Variants in RNGTT observed in about 807,000 individuals in gnomAD.
RNGTT encodes RNA guanylyltransferase and 5'-phosphatase.
Under a neutral mutation model 79.3 loss-of-function variants are expected in RNGTT, and 33 were observed. The observed-to-expected ratio is 0.42, with a 90% CI of 0.32 to 0.56. RNGTT has a LOEUF of 0.56. RNGTT is among the 20% of genes least tolerant of loss of function. The pLI is 0.17. For missense variants in RNGTT, 497 were observed against 739.1 expected (o/e 0.67, Z 3.80); for synonymous variants, 222 against 235.9 (o/e 0.94, Z 0.54).
intron 12 of RNGTT, among the ~76,000 whole-genome samples, chr6:88,798,464 C>CAAA: frequency 7.9e-6 from 1 of 126,422 alleles, no homozygotes; most frequent in East Asian, 2.3e-4. Context: ...GACCCTGTCT[C>CAAA]AAAAAAAAAA....
At chr6:88,784,665 A>C (rs1040722266) in intron 12 of RNGTT, among the ~76,000 whole-genome samples, 2 of 152,176 alleles carry the variant, frequency 1.3e-5, no homozygotes, top group African/African-American at 4.8e-5. Flanking sequence ...TTCTGACCCT[A>C]CATAGACAAA....
intron 14 of RNGTT, among the ~76,000 whole-genome samples, chr6:88,668,938 T>G (rs1045549065): frequency 9.9e-5 from 15 of 152,174 alleles, no homozygotes; most frequent in African/African-American, 3.1e-4. Context: ...TATTATTGAA[T>G]GTAGTTATTG....
At chr6:88,695,994 G>T (rs576979191) in intron 13 of RNGTT, among the ~76,000 whole-genome samples, 4 of 152,098 alleles carry the variant, frequency 2.6e-5, no homozygotes, top group African/African-American at 4.8e-5. Context: ...GTGACCAAAG[G>T]TTAGGGGATG....
chr6:88,788,057 A>G (rs559058790), intron 12 of RNGTT, among the ~76,000 whole-genome samples: 22 of 152,354 alleles, frequency 1.4e-4, no homozygotes, highest in Admixed American at 3.3e-4. Context: ...CAGAAAAATC[A>G]TAAGTCAAAC....
intron 13 of RNGTT, among the ~76,000 whole-genome samples, chr6:88,722,705 C>T (rs1776746412): frequency 6.6e-6 from 1 of 152,106 alleles, no homozygotes; most frequent in South Asian, 2.1e-4. Context: ...CAAGAAAAAT[C>T]CCCTCACATA....
At chr6:88,921,270 G>T (rs191270823) in intron 4 of RNGTT, among the ~76,000 whole-genome samples, 6 of 151,188 alleles carry the variant, frequency 4.0e-5, no homozygotes, top group Admixed American at 1.3e-4. Flanking sequence ...AAGCTGTCTT[G>T]GTTTTAAAAA....
intron 13 of RNGTT, among the ~76,000 whole-genome samples, chr6:88,750,803 G>T (rs1777815804): frequency 6.6e-6 from 1 of 151,906 alleles, no homozygotes; most frequent in Non-Finnish European, 1.5e-5. Context: ...GAACCTTCTT[G>T]GTCCTATTAC....
chr6:88,916,194 T>C (rs1042810980), intron 4 of RNGTT, among the ~76,000 whole-genome samples: 3 of 152,176 alleles, frequency 2.0e-5, no homozygotes, highest in Admixed American at 6.5e-5. Context: ...CCTCAGATTC[T>C]TCCAGGCAGG....
chr6:88,731,654 C>T (rs1311477521), intron 13 of RNGTT, among the ~76,000 whole-genome samples: 2 of 152,064 alleles, frequency 1.3e-5, no homozygotes, highest in African/African-American at 2.4e-5. Context: ...AAGATACCAT[C>T]GACAGGGCAA....
chr6:88,868,015 T>A (rs1782230519), intron 8 of RNGTT, among the ~76,000 whole-genome samples: 1 of 152,194 alleles, frequency 6.6e-6, no homozygotes, highest in African/African-American at 2.4e-5. Context: ...AACCTTTTTC[T>A]TCCTCCAGTC....
intron 13 of RNGTT, among the ~76,000 whole-genome samples, chr6:88,767,444 T>C (rs931719833): frequency 1.3e-5 from 2 of 152,120 alleles, no homozygotes; most frequent in Admixed American, 6.5e-5. Context: ...ACTAGAGAAA[T>C]GAGTATTCTA....
intron 11 of RNGTT, among the ~76,000 whole-genome samples, chr6:88,810,660 T>C (rs958004502): frequency 6.6e-6 from 1 of 152,250 alleles, no homozygotes. Flanking sequence ...CACTTTGATA[T>C]TCTTTTGTGT....
At chr6:88,694,553 G>A (rs1038433424) in intron 13 of RNGTT, among the ~76,000 whole-genome samples, 7 of 151,694 alleles carry the variant, frequency 4.6e-5, no homozygotes, top group Admixed American at 2.0e-4. Context: ...AATCCCTATC[G>A]AAATTACAAT....
chr6:88,825,601 A>T (rs904182575), intron 11 of RNGTT, among the ~76,000 whole-genome samples: 8 of 152,316 alleles, frequency 5.3e-5, no homozygotes, highest in Admixed American at 2.0e-4. Context: ...ATTTTTTTAA[A>T]AATGTTTATT....
intron 14 of RNGTT, among the ~76,000 whole-genome samples, chr6:88,626,561 G>T (rs1193050322): frequency 6.6e-6 from 1 of 152,030 alleles, no homozygotes; most frequent in African/African-American, 2.4e-5. Flanking sequence ...ACCCAGCACA[G>T]TATCTGCTAA....
chr6:88,861,372 G>A (rs928624050), intron 8 of RNGTT, among the ~76,000 whole-genome samples: 1 of 152,082 alleles, frequency 6.6e-6, no homozygotes, highest in African/African-American at 2.4e-5. Flanking sequence ...TACAAGAACA[G>A]CTGACTTGCC....
At chr6:88,794,095 T>G (rs1220730977) in intron 12 of RNGTT, among the ~76,000 whole-genome samples, 1 of 152,214 alleles carries the variant, frequency 6.6e-6, no homozygotes, top group African/African-American at 2.4e-5. Flanking sequence ...TCTTACAGCC[T>G]CTACATTTTA....
At chr6:88,765,489 T>G (rs1183971090) in intron 13 of RNGTT, among the ~76,000 whole-genome samples, 1 of 152,230 alleles carries the variant, frequency 6.6e-6, no homozygotes, top group Non-Finnish European at 1.5e-5. Context: ...TAGTATTATT[T>G]TTTCATCTTA....
chr6:88,888,784 C>T (rs1005036679), intron 8 of RNGTT, among the ~76,000 whole-genome samples: 23 of 152,208 alleles, frequency 1.5e-4, no homozygotes, highest in African/African-American at 5.1e-4. Flanking sequence ...AATCCCAGCA[C>T]TTTGGGAGAC....
Sources: gnomAD v4.1 joint callset for allele counts (sites outside exome capture counted in the v4.1 genomes callset) on GRCh38, gnomAD v4.1.1 for gene constraint, MANE v1.5 for transcripts, NCBI Gene and HGNC (gene_info 2026-07-23, HGNC 2026-07-21) for gene names.